Variants in USP24 observed in about 807,000 individuals in gnomAD.
USP24 encodes the protein ubiquitin carboxyl-terminal hydrolase 24.
In USP24, 97 loss-of-function variants were observed where a neutral mutation model predicts 361.6. The ratio of observed to expected loss-of-function variants is 0.27; its 90% confidence interval spans 0.23 to 0.32. The LOEUF is 0.32. USP24 is among the 10% of genes least tolerant of loss of function. The probability of loss-of-function intolerance (pLI) is 1.00; values close to 1 mark genes in which losing one functional copy is unlikely to be tolerated. For synonymous variants in USP24, 1,098 were observed against 1,124.6 expected, an observed-to-expected ratio of 0.98 and a Z score of 0.47; for missense variants, 2,353 against 3,165.6, an observed-to-expected ratio of 0.74 and a Z score of 6.16.
chr1:55,103,278 A>C (rs746172395), intron 42 of USP24, among the ~76,000 whole-genome samples: 2 of 152,184 alleles, frequency 1.3e-5, no homozygotes, highest in Non-Finnish European at 2.9e-5. Flanking sequence ...TCCTCTAAGA[A>C]GCCTTCTGAG....
intron 32 of USP24, 96 bp from the exon 33 acceptor site, chr1:55,125,854 C>G: frequency 1.0e-6 from 1 of 1,004,678 alleles, no homozygotes; most frequent in East Asian, 2.6e-5. Context: ...TCATCAATTA[C>G]TTAGTTTCTA....
At position 55,124,514 on chromosome 1, in the gene USP24, T is replaced by C. The variant is rs746035019; in HGVS notation, c.4075A>G (p.Asn1359Asp). The change falls in exon 35 of 68, where the codon AAT becomes GAT. Residue 1359 changes from asparagine to aspartate, a missense_variant. Physicochemically the swap from Asn to Asp is conservative, Grantham distance 23. Coordinates refer to ENST00000294383, the MANE Select transcript of USP24 (RefSeq NM_015306.3). ...VGSSQPIKES[N>D]SLCPAGIRNR... is the part of the protein sequence containing the mutation. ...CGAATTCCAGCAGGACACAGGGAAT[T>C]ACTTTCTTTAATTGGCTGGCTACTC... The C allele has an allele frequency of 1.5e-5, 25 of 1,613,458 alleles. No individual in the cohort carries two copies. Among genetic ancestry groups the C allele is most frequent in the Non-Finnish European group, 2.0e-5 (24 of 1,179,764 alleles).
In USP24 at chr1:55,072,806, C is replaced by A. The variant is rs1249878870; in HGVS notation, c.7582G>T (p.Val2528Leu). The part of the protein sequence containing the change: ...KENSHHWSWA[V>L]QWLQKKMSEH... ...GTTACCTTCTTCTGTAGCCACTGCA[C>A]AGCCCAGCTCCAGTGGTGGGAATTC... The change falls in exon 65 of 68, where the codon GTG becomes TTG. Residue 2528 changes from valine (V) to leucine (L), a missense_variant. This residue lies in a region of USP24 where 598 missense variants were observed against 761.9 expected (regional missense o/e 0.78). Coordinates refer to ENST00000294383, the MANE Select transcript of USP24 (RefSeq NM_015306.3). 6.2e-7 allele frequency: 1 copy of A among 1,606,112 alleles called. No homozygotes were observed. Among genetic ancestry groups the A allele is most frequent in the South Asian group, 1.1e-5 (1 of 88,964 alleles).
At chr1:55,153,573 G>C (rs1295322529) in intron 16 of USP24, among the ~76,000 whole-genome samples, 1 of 151,936 alleles carries the variant, frequency 6.6e-6, no homozygotes, top group Non-Finnish European at 1.5e-5. Context: ...TTAAAACTGT[G>C]CATACTTTAG....
chr1:55,154,655 C>G lies in USP24; in HGVS notation c.1554+16G>C. The stretch of plus-strand genomic sequence containing the variant: ...TAAGAAAATTTAAAAGTAAGCAAGT[C>G]TGACTGAACACGTACCTTCTGAATG... On this transcript the variant is annotated intron_variant, in intron 13 of 67. Coordinates refer to ENST00000294383, the MANE Select transcript of USP24 (RefSeq NM_015306.3). 6.2e-7 allele frequency: 1 copy of G among 1,607,148 alleles called. No individual in the cohort carries two copies. The highest frequency in any genetic ancestry group is 8.5e-7 in the Non-Finnish European group (1 of 1,176,180).
rs1169255820 is a variant in USP24, at chr1:55,215,134, C to G, written c.-21G>C. 1.2e-5 allele frequency: 15 copies of G among 1,238,602 alleles called. No homozygotes were observed. The highest frequency in any genetic ancestry group is 1.5e-5 in the Non-Finnish European group (15 of 985,728). 76.7% of individuals were successfully genotyped at this position (1,238,602 alleles called of 1,614,324 possible). On this transcript the variant is annotated 5_prime_UTR_variant, in exon 1 of 68. Transcript: ENST00000294383. ...TCCATGGCTTGGGCCTCCTGGCCGC[C>G]CCGGCCAGCGCACGGCGAAGCTACG...
In USP24 at chr1:55,166,393, G is replaced by A. The variant is rs540664739; in HGVS notation, c.861+175C>T. On this transcript the variant is annotated intron_variant, in intron 6 of 67. Transcript: ENST00000294383. ...GATAGTACTAAGTCCAAAAGCTGAT[G>A]TTTACCTGCTAGTATTGTACATACA... 3.9e-4 allele frequency among the ~76,000 whole-genome samples: 59 copies of A among 152,102 alleles called. 1 individual carries two copies. In the South Asian group the frequency reaches 0.011, roughly 28 times the overall value.
chr1:55,094,579 T>A (rs1232886313), intron 51 of USP24, among the ~76,000 whole-genome samples: 6 of 150,962 alleles, frequency 4.0e-5, no homozygotes, highest in Non-Finnish European at 8.8e-5. Flanking sequence ...CCTGACCCAA[T>A]ATATTAAAAG....
chr1:55,101,964 CTTGA>C lies in USP24; in HGVS notation c.5026-265_5026-262del, dbSNP rs562426372. On this transcript the variant is annotated intron_variant, in intron 42 of 67. Transcript: ENST00000294383. ...GTGTATTTGTTTATTTATATAATTA[CTTGA>C]TTATCATTCAACAAATATTGATTAA... Among the ~76,000 whole-genome samples, 940 of 152,238 alleles carry C rather than the reference CTTGA, an allele frequency of 6.2e-3. 12 individuals carry two copies. The highest frequency in any genetic ancestry group is 5.4e-3 in the African/African-American group (226 of 41,544).
intron 5 of USP24, among the ~76,000 whole-genome samples, chr1:55,170,333 G>A (rs1282239374): frequency 6.6e-6 from 1 of 152,106 alleles, no homozygotes; most frequent in Non-Finnish European, 1.5e-5. Flanking sequence ...CTCAGTGGAT[G>A]CATACGTAAA....
intron 37 of USP24, 107 bp from the exon 38 acceptor site, chr1:55,120,863 T>C (rs1369631785): frequency 4.0e-5 from 54 of 1,335,270 alleles, no homozygotes; most frequent in Non-Finnish European, 5.1e-5. Context: ...AATCAAGTTA[T>C]TGAAGGATAC....
intron 3 of USP24, 92 bp from the exon 4 acceptor site, chr1:55,172,612 TATG>T: frequency 7.4e-7 from 1 of 1,357,284 alleles, no homozygotes; most frequent in Non-Finnish European, 9.8e-7. Context: ...AGTGAGAGAT[TATG>T]ATGAAAATAC....
chr1:55,167,126 A>G (rs921978842), intron 5 of USP24, among the ~76,000 whole-genome samples: 2 of 152,174 alleles, frequency 1.3e-5, no homozygotes, highest in African/African-American at 2.4e-5. Context: ...TATGAAGCTC[A>G]TTCTAGCAGG....
In USP24 at chr1:55,153,889, T is replaced by G; in HGVS notation, c.1841A>C (p.Asn614Thr). 2.6e-6 allele frequency: 4 copies of G among 1,551,042 alleles called. No individual in the cohort carries two copies. The highest frequency in any genetic ancestry group is 3.5e-6 in the Non-Finnish European group (4 of 1,146,626). The part of the protein sequence containing the change: ...RPGEWSGLEK[N>T]KKDGFKSSQL... The stretch of plus-strand genomic sequence containing the variant: ...TCTTACCTTGAATCCATCCTTCTTG[T>G]TTTTTTCCAAACCTGACCATTCTCC... The change falls in exon 16 of 68, where the codon AAC (asparagine) becomes ACC (threonine). Residue 614 changes from asparagine (N) to threonine (T), a missense_variant. By Grantham distance (65) the Asn-to-Thr change is moderately conservative. Coordinates refer to ENST00000294383, the MANE Select transcript of USP24 (RefSeq NM_015306.3).
chr1:55,212,775 TAA>T (rs1304361372), intron 1 of USP24, among the ~76,000 whole-genome samples: 1 of 152,196 alleles, frequency 6.6e-6, no homozygotes, highest in East Asian at 1.9e-4. Flanking sequence ...CTTGAACTCT[TAA>T]AAGTAAACGG....
At chr1:55,199,092 C>A (rs1644492820) in intron 1 of USP24, among the ~76,000 whole-genome samples, 2 of 152,136 alleles carry the variant, frequency 1.3e-5, no homozygotes, top group East Asian at 1.9e-4. Context: ...GAGTTTGGGA[C>A]CAGCTTGGCC....
intron 1 of USP24, among the ~76,000 whole-genome samples, chr1:55,195,106 C>T (rs1227264839): frequency 6.6e-6 from 1 of 152,188 alleles, no homozygotes; most frequent in Non-Finnish European, 1.5e-5. Flanking sequence ...CAGAAAGCTC[C>T]ATTTGCTCCC....
chr1:55,138,419 C>T (rs189526678), intron 26 of USP24, among the ~76,000 whole-genome samples, 189 bp downstream of exon 26: 2 of 152,230 alleles, frequency 1.3e-5, no homozygotes, highest in Non-Finnish European at 2.9e-5. Context: ...ACTTAACCAC[C>T]GCTTGACATT....
intron 65 of USP24, 118 bp from the exon 66 acceptor site, chr1:55,072,521 A>T: frequency 4.7e-6 from 4 of 852,888 alleles, no homozygotes; most frequent in Non-Finnish European, 7.2e-6. Flanking sequence ...AAGTCTACCC[A>T]GACCTTCCAT....
Sources: gnomAD v4.1 joint callset for allele counts (sites outside exome capture counted in the v4.1 genomes callset) on GRCh38, gnomAD v4.1.1 for gene constraint, gnomAD v4.1.1 regional missense constraint, MANE v1.5 for transcripts, NCBI Gene and HGNC (gene_info 2026-07-23, HGNC 2026-07-21) for gene names.